DACH1: variants seen among roughly 807,000 people sequenced by gnomAD.
The protein encoded by DACH1 is dachshund homolog 1.
Under a neutral mutation model 54.2 loss-of-function variants are expected in DACH1, and 12 were observed. The observed-to-expected ratio is 0.22, with a 90% CI of 0.14 to 0.36. DACH1 has a LOEUF of 0.36. Among genes scored for constraint, DACH1 ranks in the 10% least tolerant of loss-of-function variants. DACH1 has a pLI of 1.00. For synonymous variants in DACH1, 386 were observed against 366.2 expected, an observed-to-expected ratio of 1.05 and a Z score of -0.62; for missense variants, 805 against 929.8, an observed-to-expected ratio of 0.87 and a Z score of 1.75.
chr13:71,788,794 A>G (rs1435772904), intron 1 of DACH1, among the ~76,000 whole-genome samples: 1 of 152,096 alleles, frequency 6.6e-6, no homozygotes, highest in East Asian at 1.9e-4. Flanking sequence ...GCATACAAAT[A>G]TGCTGTTGTA....
chr13:71,537,985 C>G (rs909903089), intron 6 of DACH1, among the ~76,000 whole-genome samples: 1 of 152,082 alleles, frequency 6.6e-6, no homozygotes, highest in Non-Finnish European at 1.5e-5. Context: ...AAAAATCCAA[C>G]TCATTTTATG....
intron 3 of DACH1, among the ~76,000 whole-genome samples, chr13:71,590,875 CTT>C (rs71123234): frequency 1.2e-5 from 1 of 85,126 alleles, no homozygotes; most frequent in African/African-American, 4.6e-5. Context: ...CTCTCTCTTT[CTT>C]TTTTTTTTTT....
chr13:71,643,694 CT>C (rs202207885), intron 2 of DACH1, among the ~76,000 whole-genome samples: 2,338 of 152,194 alleles, frequency 0.015, 73 homozygotes, highest in Admixed American at 0.071. Flanking sequence ...ATAAATGAAC[CT>C]TTATTGCCTC....
intron 1 of DACH1, among the ~76,000 whole-genome samples, chr13:71,723,246 TAAAAAAAAAAA>T (rs112775403): frequency 7.5e-6 from 1 of 133,516 alleles, no homozygotes; most frequent in East Asian, 2.1e-4. Context: ...CTACACAAAT[TAAAAAAAAAAA>T]AAAAAAATTA....
intron 6 of DACH1, among the ~76,000 whole-genome samples, chr13:71,552,826 TATATATATATATATATAGAGAG>T (rs1421642513): frequency 1.5e-3 from 74 of 48,532 alleles, no homozygotes; most frequent in Admixed American, 1.7e-3. Context: ...TATATATATA[TATATATATATATATATAGAGAG>T]AGAGAGAGAG....
intron 10 of DACH1, among the ~76,000 whole-genome samples, chr13:71,458,854 A>T (rs1875819405): frequency 6.6e-6 from 1 of 151,924 alleles, no homozygotes; most frequent in African/African-American, 2.4e-5. Flanking sequence ...TATTAAAAAC[A>T]ATTAACTAAA....
intron 1 of DACH1, among the ~76,000 whole-genome samples, chr13:71,749,965 C>A (rs1884847559): frequency 6.6e-6 from 1 of 152,156 alleles, no homozygotes; most frequent in African/African-American, 2.4e-5. Context: ...AATAAACAAA[C>A]ACTTGTCTTT....
rs117203283 is a variant in DACH1, at chr13:71,756,005, C to G, written c.849-74095G>C. Among the ~76,000 whole-genome samples the G allele has an allele frequency of 1.7e-3, 259 of 151,842 alleles. 3 individuals are homozygous for G. In the East Asian group the frequency reaches 0.043, roughly 25 times the overall value. Reference sequence around the variant, plus strand: ...AATTTAAATTATTTAAATTTAAAGACTAAAATGCGTAAACTAAAGACTTTT... The same window carrying G: ...AATTTAAATTATTTAAATTTAAAGAGTAAAATGCGTAAACTAAAGACTTTT... On this transcript the variant is annotated intron_variant, in intron 1 of 10. Coordinates refer to ENST00000613252, the MANE Select transcript of DACH1 (RefSeq NM_080759.6).
chr13:71,675,825 A>G (rs960822187), intron 2 of DACH1, among the ~76,000 whole-genome samples: 3 of 152,092 alleles, frequency 2.0e-5, no homozygotes, highest in African/African-American at 7.2e-5. Context: ...AAACAAGTAA[A>G]CTTCTTATTG....
intron 10 of DACH1, among the ~76,000 whole-genome samples, chr13:71,441,223 C>G (rs1873981904): frequency 6.6e-6 from 1 of 151,998 alleles, no homozygotes; most frequent in African/African-American, 2.4e-5. Flanking sequence ...GCCTTTACCC[C>G]TTGAAGTGAG....
intron 10 of DACH1, among the ~76,000 whole-genome samples, chr13:71,447,214 T>C (rs562857263): frequency 6.6e-6 from 1 of 152,342 alleles, no homozygotes; most frequent in South Asian, 2.1e-4. Flanking sequence ...GAAAAACTTG[T>C]AAATTATTTG....
intron 4 of DACH1, among the ~76,000 whole-genome samples, chr13:71,560,855 C>A (rs535291017): frequency 6.6e-6 from 1 of 152,062 alleles, no homozygotes; most frequent in South Asian, 2.1e-4. Context: ...CAGACACAGG[C>A]CTTGATGAAC....
intron 2 of DACH1, among the ~76,000 whole-genome samples, chr13:71,673,963 A>G (rs899904995): frequency 6.6e-6 from 1 of 152,222 alleles, no homozygotes; most frequent in African/African-American, 2.4e-5. Flanking sequence ...TTTAATCTGG[A>G]GCCTAACTGT....
chr13:71,726,133 G>C (rs536510476), intron 1 of DACH1, among the ~76,000 whole-genome samples: 4 of 152,162 alleles, frequency 2.6e-5, no homozygotes, highest in African/African-American at 9.6e-5. Context: ...TGCCTGGCAT[G>C]TTTTAAACCT....
chr13:71,481,514 G>A (rs984103026), intron 7 of DACH1, among the ~76,000 whole-genome samples: 2 of 152,048 alleles, frequency 1.3e-5, no homozygotes, highest in African/African-American at 4.8e-5. Flanking sequence ...TGTGACTAAT[G>A]GTAATACATT....
At chr13:71,633,370 G>C (rs999498157) in intron 2 of DACH1, among the ~76,000 whole-genome samples, 2 of 152,160 alleles carry the variant, frequency 1.3e-5, no homozygotes, top group Non-Finnish European at 2.9e-5. Flanking sequence ...TAAAAAGAAA[G>C]GCTTGGCCTC....
chr13:71,797,163 G>C (rs1887090339), intron 1 of DACH1, among the ~76,000 whole-genome samples: 1 of 151,724 alleles, frequency 6.6e-6, no homozygotes, highest in Non-Finnish European at 1.5e-5. Flanking sequence ...TGTAATTTTT[G>C]AACCACCCTG....
intron 3 of DACH1, among the ~76,000 whole-genome samples, chr13:71,580,798 T>C (rs1237423693): frequency 6.6e-6 from 1 of 152,184 alleles, no homozygotes; most frequent in Non-Finnish European, 1.5e-5. Context: ...CATCTCTTCC[T>C]GTGCACCAGC....
chr13:71,657,186 C>T (rs532525950), intron 2 of DACH1, among the ~76,000 whole-genome samples: 74 of 151,544 alleles, frequency 4.9e-4, no homozygotes, highest in African/African-American at 1.7e-3. Context: ...TAGGATCTTG[C>T]GGAAAATAAA....
Sources: allele counts gnomAD v4.1 joint callset (sites outside exome capture counted in the v4.1 genomes callset), GRCh38; gene constraint gnomAD v4.1.1; transcripts MANE v1.5; gene names NCBI Gene and HGNC (gene_info 2026-07-23, HGNC 2026-07-21).